Variants in TPH2 observed in about 807,000 individuals in gnomAD.
TPH2 encodes tryptophan 5-hydroxylase 2.
TPH2 carries 27 observed loss-of-function variants against 59.1 expected under a neutral mutation model. The ratio of observed to expected loss-of-function variants is 0.46; its 90% confidence interval spans 0.34 to 0.63. The LOEUF (loss-of-function observed/expected upper bound fraction) is 0.63. Ranked by LOEUF, TPH2 falls within the 30% of genes least tolerant of loss-of-function variation. The probability of loss-of-function intolerance (pLI) is 0.01; values close to 1 mark genes in which losing one functional copy is unlikely to be tolerated. For synonymous variants in TPH2, 220 were observed against 210.5 expected, an observed-to-expected ratio of 1.05 and a Z score of -0.39; for missense variants, 523 against 588.3, an observed-to-expected ratio of 0.89 and a Z score of 1.15.
intron 2 of TPH2, among the ~76,000 whole-genome samples, 199 bp downstream of exon 2, chr12:71,941,932 A>G (rs1190488327): frequency 6.6e-6 from 1 of 152,232 alleles, no homozygotes; most frequent in Admixed American, 6.5e-5. Context: ...GCTGTGGCTT[A>G]TTAATGCAGA....
chr12:71,945,643 G>A (rs1316428877), intron 4 of TPH2, among the ~76,000 whole-genome samples: 1 of 152,134 alleles, frequency 6.6e-6, no homozygotes, highest in Non-Finnish European at 1.5e-5. Flanking sequence ...AGCAGTGTCA[G>A]TATCACCTGG....
At chr12:71,969,055 G>A (rs1177384103) in intron 5 of TPH2, among the ~76,000 whole-genome samples, 1 of 152,194 alleles carries the variant, frequency 6.6e-6, no homozygotes, top group African/African-American at 2.4e-5. Flanking sequence ...AGGCCGAGGC[G>A]GGCGGATCAC....
chr12:71,996,911 T>C (rs1365382899), intron 8 of TPH2, among the ~76,000 whole-genome samples: 2 of 152,246 alleles, frequency 1.3e-5, no homozygotes, highest in Non-Finnish European at 2.9e-5. Flanking sequence ...TCCTCACTTT[T>C]TGGAAATTTA....
chr12:71,952,666 A>G (rs1400574245), intron 5 of TPH2, among the ~76,000 whole-genome samples: 1 of 152,206 alleles, frequency 6.6e-6, no homozygotes, highest in Non-Finnish European at 1.5e-5. Context: ...GGATAACAGC[A>G]TGCTTAAAAA....
intron 2 of TPH2, among the ~76,000 whole-genome samples, chr12:71,942,394 G>T (rs1409077786): frequency 3.9e-5 from 6 of 152,140 alleles, no homozygotes; most frequent in Non-Finnish European, 8.8e-5. Flanking sequence ...GTACCTAATG[G>T]TTTCTGTACC....
chr12:72,014,402 T>TC (rs1327861610), intron 8 of TPH2, among the ~76,000 whole-genome samples: 4 of 150,758 alleles, frequency 2.7e-5, no homozygotes, highest in Non-Finnish European at 4.5e-5. Flanking sequence ...TTTCTTTTTT[T>TC]TTTTTTGAGA....
At chr12:71,980,840 T>C (rs1401124552) in intron 7 of TPH2, among the ~76,000 whole-genome samples, 1 of 152,216 alleles carries the variant, frequency 6.6e-6, no homozygotes, top group Non-Finnish European at 1.5e-5. Context: ...TTTACCAAAG[T>C]ACTTTCGGCC....
At chr12:71,985,958 C>T (rs930855433) in intron 7 of TPH2, among the ~76,000 whole-genome samples, 2 of 152,158 alleles carry the variant, frequency 1.3e-5, no homozygotes, top group African/African-American at 4.8e-5. Flanking sequence ...TTGAGCATAG[C>T]TTATATGCTA....
intron 5 of TPH2, among the ~76,000 whole-genome samples, chr12:71,960,694 G>A (rs901525959): frequency 6.6e-6 from 1 of 152,162 alleles, no homozygotes; most frequent in East Asian, 1.9e-4. Context: ...AAACATTAAC[G>A]CAATATGGTC....
rs201522536 is a variant in TPH2, at chr12:71,961,581, G to A, written c.609-10938G>A. The A allele has an allele frequency of 3.4e-4, 456 of 1,351,966 alleles. 3 individuals are homozygous for A. Among genetic ancestry groups the A allele is most frequent in the Admixed American group, 1.3e-4 (7 of 52,556 alleles). The allele number at this position is 1,351,966 out of a possible 1,614,324, so 83.7% of individuals were successfully genotyped here. On this transcript the variant is annotated intron_variant, in intron 5 of 10. Transcript: ENST00000333850. ...CCCAAGACTGTTAGCTGCTATTGGC[G>A]ACTGGGAATTTCAGCTCTTTTCTGT...
chr12:71,996,425 T>G (rs924419728), intron 8 of TPH2, among the ~76,000 whole-genome samples: 6 of 152,252 alleles, frequency 3.9e-5, no homozygotes, highest in African/African-American at 1.4e-4. Flanking sequence ...AAAGTATTTG[T>G]GGATATATTT....
intron 7 of TPH2, among the ~76,000 whole-genome samples, chr12:71,993,345 A>G (rs1872622477): frequency 6.6e-6 from 1 of 152,222 alleles, no homozygotes; most frequent in Non-Finnish European, 1.5e-5. Flanking sequence ...AGTACAAGTG[A>G]AATCAAAACT....
At position 72,031,389 on chromosome 12, in the gene TPH2, G is replaced by A; in HGVS notation, c.1296G>A (p.Met432Ile). Residue 432 changes from methionine (M) to isoleucine (I), a missense_variant and splice_region_variant, in exon 10 of 11, where the codon ATG (methionine) becomes ATA (isoleucine). Coordinates refer to ENST00000333850, the MANE Select transcript of TPH2 (RefSeq NM_173353.4). ...SESFEEAKEK[M>I]RDFAKSITRP... is the part of the protein sequence containing the mutation. Reference sequence around the variant, plus strand: ...GTTTTGAAGAAGCCAAAGAAAAGATGAGGTAAACTTTTTTTTCCTCCTAGC... The same window carrying A: ...GTTTTGAAGAAGCCAAAGAAAAGATAAGGTAAACTTTTTTTTCCTCCTAGC... The A allele has an allele frequency of 6.2e-7, 1 of 1,613,596 alleles. No homozygotes were observed. The highest frequency in any genetic ancestry group is 1.1e-5 in the South Asian group (1 of 91,074).
Position 71,944,594 on chromosome 12 carries a change from G to A in TPH2, c.448G>A (p.Asp150Asn), listed in dbSNP as rs761976247. The change falls in exon 4 of 11, where the codon GAT becomes AAT. Residue 150 changes from aspartate to asparagine, a missense_variant. Transcript: ENST00000333850. ...NIWTEEEELE[D>N]VPWFPRKISE... Reference sequence around the variant, plus strand: ...TGCACTGTTTTCAACAGAGCTAGAGGATGTGCCCTGGTTCCCTCGGAAGAT... The same window carrying A: ...TGCACTGTTTTCAACAGAGCTAGAGAATGTGCCCTGGTTCCCTCGGAAGAT... 12 of 1,613,800 alleles carry A rather than the reference G, an allele frequency of 7.4e-6. No individual in the cohort carries two copies. The South Asian group carries it at 1.2e-4, about 16-fold the overall frequency.
At position 71,994,578 on chromosome 12, in the gene TPH2, T is replaced by G; in HGVS notation, c.1068+13T>G. The G allele has an allele frequency of 1.2e-6, 2 of 1,613,670 alleles. No individual in the cohort carries two copies. Among genetic ancestry groups the G allele is most frequent in the Non-Finnish European group, 1.7e-6 (2 of 1,179,646 alleles). On this transcript the variant is annotated intron_variant, in intron 8 of 10. Transcript: ENST00000333850. Reference sequence around the variant, plus strand: ...GAAACTAGCCACGGTGAGTTCATTTTCAACTTAAAACCAGTGCTATTTATG... The same window carrying G: ...GAAACTAGCCACGGTGAGTTCATTTGCAACTTAAAACCAGTGCTATTTATG...
At chr12:72,015,766 G>C (rs1873231681) in intron 8 of TPH2, among the ~76,000 whole-genome samples, 1 of 152,084 alleles carries the variant, frequency 6.6e-6, no homozygotes, top group Admixed American at 6.6e-5. Flanking sequence ...CATCTGAAAG[G>C]ACCCTGGAAT....
At chr12:72,000,624 A>G (rs1872799297) in intron 8 of TPH2, among the ~76,000 whole-genome samples, 1 of 152,190 alleles carries the variant, frequency 6.6e-6, no homozygotes, top group Non-Finnish European at 1.5e-5. Flanking sequence ...GTCTTTCGAA[A>G]GGCACATAGT....
rs533295021 is a variant in TPH2, at chr12:71,990,138, C to A, written c.942-4301C>A. 4.6e-5 allele frequency among the ~76,000 whole-genome samples: 7 copies of A among 152,232 alleles called. No homozygotes were observed. The East Asian group carries it at 1.3e-3, about 29-fold the overall frequency. ...AGTTTGCTGATGTAGAGATTGGAGG[C>A]AGCATGTACTGACAGGTGCAATTAT... On this transcript the variant is annotated intron_variant, in intron 7 of 10. Coordinates refer to ENST00000333850, the MANE Select transcript of TPH2 (RefSeq NM_173353.4).
chr12:71,951,416 C>T (rs1351800004), intron 5 of TPH2, among the ~76,000 whole-genome samples: 2 of 152,156 alleles, frequency 1.3e-5, no homozygotes, highest in African/African-American at 4.8e-5. Context: ...CCTGGCAGAG[C>T]CTTTTCCCTT....
Sources: allele counts gnomAD v4.1 joint callset (sites outside exome capture counted in the v4.1 genomes callset), GRCh38; gene constraint gnomAD v4.1.1; transcripts MANE v1.5; gene names NCBI Gene and HGNC (gene_info 2026-07-23, HGNC 2026-07-21).